FTCDNL1: variants seen among roughly 807,000 people sequenced by gnomAD.
FTCDNL1 encodes the protein formiminotransferase cyclodeaminase N-terminal like, also known as formiminotransferase N-terminal subdomain-containing protein.
A neutral mutation model predicts 5.9 loss-of-function variants in FTCDNL1; 11 were observed. That is an observed-to-expected ratio of 1.87 (90% confidence interval 1.18 to 3.10). The LOEUF is 3.10. Ranked by LOEUF, FTCDNL1 falls within the 30% of genes most tolerant of loss-of-function variation. FTCDNL1 has a pLI of 0.00. For synonymous variants in FTCDNL1, 58 were observed against 24.8 expected (o/e 2.34, Z -3.99); for missense variants, 115 against 65.5 (o/e 1.76, Z -2.61).
At chr2:199,824,524 G>C (rs1701899615) in intron 3 of FTCDNL1, among the ~76,000 whole-genome samples, 1 of 152,162 alleles carries the variant, frequency 6.6e-6, no homozygotes, top group South Asian at 2.1e-4. Flanking sequence ...TGGCACAAGA[G>C]GCCTAGCTAT....
the FTCDNL1 span, among the ~76,000 whole-genome samples, chr2:199,711,088 A>G: frequency 6.6e-6 from 1 of 152,270 alleles, no homozygotes; most frequent in African/African-American, 2.4e-5. Flanking sequence ...ATTTTACAAG[A>G]AAACAGCCAC....
intron 3 of FTCDNL1, among the ~76,000 whole-genome samples, chr2:199,784,042 C>T (rs36031708): frequency 6.6e-6 from 1 of 152,060 alleles, no homozygotes; most frequent in African/African-American, 2.4e-5. Context: ...TCAGGGTAGC[C>T]AACCTCTTAG....
intron 3 of FTCDNL1, among the ~76,000 whole-genome samples, chr2:199,796,504 T>C (rs1473956466): frequency 3.9e-5 from 6 of 152,216 alleles, no homozygotes; most frequent in Non-Finnish European, 7.3e-5. Context: ...ATTAACTTTA[T>C]TGAATTACAA....
chr2:199,687,670 C>A, the FTCDNL1 span, among the ~76,000 whole-genome samples: 1 of 151,254 alleles, frequency 6.6e-6, no homozygotes, highest in East Asian at 2.0e-4. Flanking sequence ...TTTTCAGTAA[C>A]CTTAACTCTG....
chr2:199,710,520 A>G, the FTCDNL1 span, among the ~76,000 whole-genome samples: 1 of 152,298 alleles, frequency 6.6e-6, no homozygotes, highest in South Asian at 2.1e-4. Flanking sequence ...TTGGTAACTC[A>G]GTGTTCCCAG....
the FTCDNL1 span, among the ~76,000 whole-genome samples, chr2:199,681,231 A>T: frequency 4.7e-4 from 71 of 151,854 alleles, no homozygotes; most frequent in Non-Finnish European, 7.8e-4. Flanking sequence ...AGGCAGGTGG[A>T]TCACCTGAGG....
chr2:199,736,262 T>C, the FTCDNL1 span, among the ~76,000 whole-genome samples: 3 of 152,248 alleles, frequency 2.0e-5, no homozygotes, highest in South Asian at 2.1e-4. Flanking sequence ...AAAGAGGCTA[T>C]CAACCTGACT....
the FTCDNL1 span, among the ~76,000 whole-genome samples, chr2:199,729,188 G>A: frequency 6.6e-6 from 1 of 152,132 alleles, no homozygotes; most frequent in Non-Finnish European, 1.5e-5. Flanking sequence ...AAATACATGG[G>A]TTCAACATGT....
the FTCDNL1 span, among the ~76,000 whole-genome samples, chr2:199,688,309 G>A: frequency 1.3e-5 from 2 of 151,430 alleles, no homozygotes; most frequent in African/African-American, 2.4e-5. Flanking sequence ...TCATCCTAAA[G>A]CCCATACTGT....
chr2:199,711,498 G>A, the FTCDNL1 span, among the ~76,000 whole-genome samples: 3 of 151,986 alleles, frequency 2.0e-5, no homozygotes, highest in African/African-American at 7.3e-5. Context: ...TTTCCCTCAG[G>A]AGTCTTTGTT....
intron 3 of FTCDNL1, among the ~76,000 whole-genome samples, chr2:199,768,158 G>A (rs1263263046): frequency 1.3e-5 from 2 of 152,084 alleles, no homozygotes; most frequent in South Asian, 4.1e-4. Flanking sequence ...GTAAGACATG[G>A]GAATTAATTA....
the FTCDNL1 span, among the ~76,000 whole-genome samples, chr2:199,728,934 G>A: frequency 6.6e-6 from 1 of 152,192 alleles, no homozygotes; most frequent in Non-Finnish European, 1.5e-5. Context: ...GCCAACCCCA[G>A]GATGAAGTTT....
intron 3 of FTCDNL1, among the ~76,000 whole-genome samples, chr2:199,788,013 T>C (rs1403046216): frequency 6.6e-6 from 1 of 152,206 alleles, no homozygotes; most frequent in Non-Finnish European, 1.5e-5. Context: ...TTTCTGCATT[T>C]AAAATAATAA....
chr2:199,796,008 C>T (rs1351268710), intron 3 of FTCDNL1, among the ~76,000 whole-genome samples: 1 of 152,042 alleles, frequency 6.6e-6, no homozygotes, highest in Non-Finnish European at 1.5e-5. Flanking sequence ...GAAAGGATAG[C>T]ATGCTCTTAA....
the FTCDNL1 span, among the ~76,000 whole-genome samples, chr2:199,672,791 A>C: frequency 6.6e-6 from 1 of 152,060 alleles, no homozygotes; most frequent in Non-Finnish European, 1.5e-5. Flanking sequence ...CAAAAGGCAC[A>C]TCTCCTAAGA....
intron 3 of FTCDNL1, among the ~76,000 whole-genome samples, chr2:199,803,652 C>A (rs1341566761): frequency 1.3e-5 from 2 of 152,138 alleles, no homozygotes; most frequent in Non-Finnish European, 2.9e-5. Flanking sequence ...TTAGTAGAGA[C>A]AAAGGCTCAC....
chr2:199,683,910 C>T, the FTCDNL1 span, among the ~76,000 whole-genome samples: 1 of 152,186 alleles, frequency 6.6e-6, no homozygotes, highest in Non-Finnish European at 1.5e-5. Context: ...TTAAGACATG[C>T]TCAGTTTGTG....
chr2:199,847,351 TAAG>T (rs896762927), intron 2 of FTCDNL1, among the ~76,000 whole-genome samples: 11 of 152,212 alleles, frequency 7.2e-5, no homozygotes, highest in Non-Finnish European at 1.5e-4. Context: ...AAAGATGAAG[TAAG>T]AAGAAGATCA....
At chr2:199,748,664 G>C in the FTCDNL1 span, among the ~76,000 whole-genome samples, 4 of 152,154 alleles carry the variant, frequency 2.6e-5, no homozygotes, top group Non-Finnish European at 2.9e-5. Flanking sequence ...GTTCTAACAT[G>C]CACCTCTGAG....
Sources: allele counts gnomAD v4.1 joint callset (sites outside exome capture counted in the v4.1 genomes callset), GRCh38; gene constraint gnomAD v4.1.1; transcripts MANE v1.5; gene names NCBI Gene and HGNC (gene_info 2026-07-23, HGNC 2026-07-21).